The following POLR1D variants were observed in gnomAD, a reference collection of about 807,000 sequenced individuals.
POLR1D encodes the protein DNA-directed RNA polymerases I and III subunit RPAC2.
A neutral mutation model predicts 10.8 loss-of-function variants in POLR1D; 8 were observed. The ratio of observed to expected loss-of-function variants is 0.74; its 90% CI spans 0.43 to 1.33. POLR1D has a LOEUF of 1.33. POLR1D is among the 40% of genes most tolerant of loss of function. POLR1D has a pLI of 0.01. For missense variants in POLR1D, 152 were observed against 161.7 expected (o/e 0.94, Z 0.32); for synonymous variants, 54 against 57.2 (o/e 0.94, Z 0.25).
At chr13:27,627,955 G>C (rs1382681212), downstream of POLR1D, among the ~76,000 whole-genome samples, 1 of 152,104 alleles carries the variant, frequency 6.6e-6, no homozygotes, top group Non-Finnish European at 1.5e-5. Context: ...AAGAGTTGTA[G>C]ATGACCCCAA....
chr13:27,645,343 T>C (rs1956209707), intron 1 of POLR1D, among the ~76,000 whole-genome samples: 1 of 152,174 alleles, frequency 6.6e-6, no homozygotes, highest in South Asian at 2.1e-4. Flanking sequence ...GTGGAGGAGA[T>C]AGTCTAATAG....
intron 1 of POLR1D, among the ~76,000 whole-genome samples, chr13:27,645,504 G>T (rs748126329): frequency 6.6e-5 from 10 of 152,110 alleles, no homozygotes; most frequent in Non-Finnish European, 7.4e-5. Flanking sequence ...ATCTGTATTG[G>T]TGGTAATAAC....
chr13:27,651,068 C>T (rs1159584580), intron 2 of POLR1D: 2 of 152,154 alleles, frequency 1.3e-5, no homozygotes, highest in Admixed American at 6.5e-5. Flanking sequence ...AACCCTTATA[C>T]CACAGAAAGA....
At chr13:27,652,907 A>ACTTCTTTTTTTTTTTTTTTTTTTTTTTTT (rs1365436145) in intron 2 of POLR1D, among the ~76,000 whole-genome samples, 2 of 78,530 alleles carry the variant, frequency 2.5e-5, no homozygotes, top group African/African-American at 1.2e-4. Context: ...TGCATTTACC[A>ACTTCTTTTTTTTTTTTTTTTTTTTTTTTT]TTTCTTTTTT....
Position 27,622,911 on chromosome 13 carries a change from C to T in POLR1D, c.63C>T (p.Gly21=), listed in dbSNP as rs932578285. Residue 21 remains glycine (G), a synonymous_variant, in exon 2 of 2, where the codon GGC becomes GGT. Transcript: ENST00000302979. The part of the protein sequence containing the change: ...ISGLKTSMAE[G]ERKTALEMVQ... ...GATTGAAGACCTCAATGGCTGAAGG[C>T]GAGAGGAAGACAGCCCTGGAAATGG... The T allele has an allele frequency of 5.0e-6, 8 of 1,610,190 alleles. No individual in the cohort carries two copies. Among genetic ancestry groups the T allele is most frequent in the Middle Eastern group, 1.6e-4 (1 of 6,080 alleles).
intron 1 of POLR1D, among the ~76,000 whole-genome samples, chr13:27,635,055 C>T (rs1367670612): frequency 6.6e-6 from 1 of 152,090 alleles, no homozygotes; most frequent in Non-Finnish European, 1.5e-5. Flanking sequence ...AGAGCATATC[C>T]TCCAAGGAGT....
intron 1 of POLR1D, among the ~76,000 whole-genome samples, chr13:27,647,175 A>T (rs527956502): frequency 6.6e-6 from 1 of 152,120 alleles, no homozygotes; most frequent in South Asian, 2.1e-4. Context: ...CTATGTTGCT[A>T]CCCATAGCAC....
At chr13:27,647,097 T>G (rs887164144) in intron 1 of POLR1D, among the ~76,000 whole-genome samples, 1 of 152,156 alleles carries the variant, frequency 6.6e-6, no homozygotes, top group Non-Finnish European at 1.5e-5. Flanking sequence ...ACCTCTCTTT[T>G]TCTTAACTTT....
chr13:27,664,179 T>C (rs748204570), intron 2 of POLR1D, among the ~76,000 whole-genome samples: 1 of 152,198 alleles, frequency 6.6e-6, no homozygotes, highest in Non-Finnish European at 1.5e-5. Context: ...AATGTCCTAA[T>C]GCCAGCGTGC....
At chr13:27,632,024 TAGAG>T (rs1379222548) in intron 1 of POLR1D, among the ~76,000 whole-genome samples, 1 of 152,184 alleles carries the variant, frequency 6.6e-6, no homozygotes, top group Non-Finnish European at 1.5e-5. Flanking sequence ...GTAAGCATCA[TAGAG>T]AGCCTTGATA....
chr13:27,621,186 G>C (rs1955909627), upstream of POLR1D: 1 of 152,756 alleles, frequency 6.5e-6, no homozygotes, highest in Non-Finnish European at 1.5e-5. Flanking sequence ...AGCCACTGGG[G>C]AGAAAGGGAA....
intron 1 of POLR1D, among the ~76,000 whole-genome samples, chr13:27,647,586 C>T (rs1306013163): frequency 6.6e-6 from 1 of 152,108 alleles, no homozygotes; most frequent in African/African-American, 2.4e-5. Context: ...TTATTCTACA[C>T]ATATTCTTTT....
At chr13:27,647,375 T>C (rs957006094) in intron 1 of POLR1D, among the ~76,000 whole-genome samples, 1 of 151,544 alleles carries the variant, frequency 6.6e-6, no homozygotes, top group Non-Finnish European at 1.5e-5. Flanking sequence ...TCCCTCCAAA[T>C]TTTTTTATTA....
At chr13:27,657,897 A>C (rs1256805076) in intron 2 of POLR1D, among the ~76,000 whole-genome samples, 1 of 152,220 alleles carries the variant, frequency 6.6e-6, no homozygotes, top group Non-Finnish European at 1.5e-5. Flanking sequence ...GCAGTTCAGC[A>C]CACCCAAACA....
chr13:27,641,871 G>T (rs1389632907), intron 1 of POLR1D, among the ~76,000 whole-genome samples: 1 of 152,186 alleles, frequency 6.6e-6, no homozygotes, highest in Non-Finnish European at 1.5e-5. Context: ...AACAGCAAAT[G>T]TAGTGTTGGC....
At chr13:27,621,629 A>C, upstream of POLR1D, 2 of 169,224 alleles carry the variant, frequency 1.2e-5, no homozygotes, top group Non-Finnish European at 1.3e-5. Context: ...CACCTGGGGA[A>C]AGGTACCAGA....
exon 3 of POLR1D, chr13:27,666,750 A>C (rs1368488137): frequency 6.6e-6 from 1 of 152,182 alleles, no homozygotes; most frequent in African/African-American, 2.4e-5. Flanking sequence ...TCTTCATTTT[A>C]AATAGAAGTG....
upstream of POLR1D, chr13:27,621,877 CT>C: frequency 8.2e-7 from 1 of 1,220,590 alleles, no homozygotes; most frequent in Non-Finnish European, 1.2e-6. Context: ...TCCTCCGCGC[CT>C]TCCGTCGGTC....
At chr13:27,621,860 CCTT>C (rs1955929962), upstream of POLR1D, 3 of 1,020,750 alleles carry the variant, frequency 2.9e-6, no homozygotes, top group East Asian at 5.3e-5. Flanking sequence ...CCTCCTCCCT[CCTT>C]CCGTCCTCCG....
Sources: allele counts gnomAD v4.1 joint callset (sites outside exome capture counted in the v4.1 genomes callset), GRCh38; gene constraint gnomAD v4.1.1; transcripts MANE v1.5; gene names NCBI Gene and HGNC (gene_info 2026-07-23, HGNC 2026-07-21).